BRSK2: variants seen among roughly 807,000 people sequenced by gnomAD.
The protein encoded by BRSK2 is serine/threonine-protein kinase BRSK2.
Under a neutral mutation model 83.3 loss-of-function variants are expected in BRSK2, and 19 were observed. That is an observed-to-expected ratio of 0.23 (90% CI 0.16 to 0.33). The LOEUF (loss-of-function observed/expected upper bound fraction) is 0.33, where lower values mean the gene tolerates loss of function less well. BRSK2 is among the 10% of genes least tolerant of loss of function. The pLI is 1.00. For missense variants in BRSK2, 798 were observed against 1,042.3 expected, an observed-to-expected ratio of 0.77 and a Z score of 3.23; for synonymous variants, 519 against 435.4, an observed-to-expected ratio of 1.19 and a Z score of -2.39.
intron 18 of BRSK2, among the ~76,000 whole-genome samples, chr11:1,458,687 C>T (rs552836805): frequency 1.3e-5 from 2 of 152,272 alleles, no homozygotes; most frequent in African/African-American, 4.8e-5. Context: ...CCTCCCAGGG[C>T]CTTGCTCCCA....
intron 5 of BRSK2, 100 bp from the exon 6 acceptor site, chr11:1,443,006 C>T: frequency 1.5e-6 from 2 of 1,354,738 alleles, no homozygotes; most frequent in South Asian, 2.8e-5. Flanking sequence ...GCACCACAGC[C>T]CTGGAGGCCT....
intron 8 of BRSK2, among the ~76,000 whole-genome samples, chr11:1,444,236 G>A (rs1195948350): frequency 1.3e-5 from 2 of 152,150 alleles, no homozygotes; most frequent in Non-Finnish European, 2.9e-5. Context: ...AGTGCCCCCA[G>A]CAGCTGTGGG....
intron 1 of BRSK2, among the ~76,000 whole-genome samples, chr11:1,399,177 G>GT (rs1846309347): frequency 6.6e-6 from 1 of 152,032 alleles, no homozygotes; most frequent in African/African-American, 2.4e-5. Context: ...TGTGCTGTCT[G>GT]TTGTGGGCAG....
rs1188019426 is a variant in BRSK2, at chr11:1,423,815, C to G, written c.92-12225C>G. Among the ~76,000 whole-genome samples, 1 of 151,092 alleles carries G rather than the reference C, an allele frequency of 6.6e-6. No homozygotes were observed. The highest frequency in any genetic ancestry group is 1.5e-5 in the Non-Finnish European group (1 of 67,706). On this transcript the variant is annotated intron_variant, in intron 1 of 19. Coordinates refer to ENST00000528841, the MANE Select transcript of BRSK2 (RefSeq NM_001256627.2). The surrounding 1 kb of genome is among the most constrained non-coding windows in gnomAD (Gnocchi z 6.5). Reference sequence around the variant, plus strand: ...CCCCAGGCCTCCCCCGCTGGGCGTTCCGGGTGCCCCAGGCCTCCCCCGCTG... The same window carrying G: ...CCCCAGGCCTCCCCCGCTGGGCGTTGCGGGTGCCCCAGGCCTCCCCCGCTG...
At chr11:1,442,399 A>C in intron 4 of BRSK2, 91 bp from the exon 5 acceptor site, 1 of 910,708 alleles carries the variant, frequency 1.1e-6, no homozygotes. Context: ...GCGTTTGGAG[A>C]GGCAGTGGGC....
At chr11:1,443,166 C>T in intron 6 of BRSK2, 27 bp downstream of exon 6, 1 of 1,537,148 alleles carries the variant, frequency 6.5e-7, no homozygotes, top group Non-Finnish European at 8.7e-7. Flanking sequence ...GCGTGCAGCT[C>T]TGTGGGGCCC....
At chr11:1,428,172 C>T (rs767812832) in intron 1 of BRSK2, among the ~76,000 whole-genome samples, 4 of 152,126 alleles carry the variant, frequency 2.6e-5, no homozygotes, top group African/African-American at 9.7e-5. Context: ...CAGCCTGCTG[C>T]GTCGTGGCTG....
In BRSK2 at chr11:1,445,252, CG is replaced by C. The variant is rs1851865123; in HGVS notation, c.813-40del. On this transcript the variant is annotated intron_variant, in intron 9 of 19. Transcript: ENST00000528841. ...TCCCACCCTCGCAGCCGCCCAGGCC[CG>C]GCCGGAGCTGATGAGCGGGTGGCCC... 2.6e-6 allele frequency: 4 copies of C among 1,567,926 alleles called. No individual in the cohort carries two copies. The South Asian group carries it at 4.7e-5, about 18-fold the overall frequency.
chr11:1,444,570 C>G (rs561143419), intron 8 of BRSK2, among the ~76,000 whole-genome samples: 7 of 152,140 alleles, frequency 4.6e-5, no homozygotes, highest in Non-Finnish European at 1.0e-4. Flanking sequence ...GCTCTCCTGC[C>G]TTGGTTCCTT....
rs535120076 is a variant in BRSK2 at position 1,400,778 on chromosome 11, C to T, written c.91+10403C>T. Among the ~76,000 whole-genome samples, 244 of 152,334 alleles carry T rather than the reference C, an allele frequency of 1.6e-3. 1 individual carries two copies. The highest frequency in any genetic ancestry group is 2.6e-3 in the Non-Finnish European group (174 of 68,026). ...CTGCCTGGGCCCTGCGGCCACCCAC[C>T]CCGGACACTGTGGCACTGGGAGGGG... On this transcript the variant is annotated intron_variant, in intron 1 of 19. Transcript: ENST00000528841.
At chr11:1,437,425 C>T (rs1850471177) in intron 2 of BRSK2, among the ~76,000 whole-genome samples, 1 of 152,212 alleles carries the variant, frequency 6.6e-6, no homozygotes, top group Admixed American at 6.5e-5. Flanking sequence ...CTTCTTTGTG[C>T]TGGGCGGAGC....
Position 1,410,922 on chromosome 11 carries a change from T to C in BRSK2, c.91+20547T>C, listed in dbSNP as rs915985516. 1.5e-5 allele frequency: 15 copies of C among 988,674 alleles called. No individual in the cohort carries two copies. The African/African-American group carries it at 2.6e-4, about 17-fold the overall frequency. 61.2% of individuals were successfully genotyped at this position (988,674 alleles called of 1,614,324 possible). A position where few individuals can be genotyped will look rare whatever the true frequency, so the allele number is the denominator to read the frequency against. Reference sequence around the variant, plus strand: ...TGTGCAGAAGGTGGGTGTTCCCCAGTCTCAGAGGCCAGGGCCCTTGCTGGC... The same window carrying C: ...TGTGCAGAAGGTGGGTGTTCCCCAGCCTCAGAGGCCAGGGCCCTTGCTGGC... On this transcript the variant is annotated intron_variant, in intron 1 of 19. Transcript: ENST00000528841.
At chr11:1,420,109 GC>G (rs906556116) in intron 1 of BRSK2, among the ~76,000 whole-genome samples, 1 of 152,240 alleles carries the variant, frequency 6.6e-6, no homozygotes, top group African/African-American at 2.4e-5. Flanking sequence ...GGAAGGCAGG[GC>G]CTCTGCCCGG....
At chr11:1,420,737 C>T (rs1848562233) in intron 1 of BRSK2, among the ~76,000 whole-genome samples, 1 of 152,246 alleles carries the variant, frequency 6.6e-6, no homozygotes, top group Non-Finnish European at 1.5e-5. Flanking sequence ...CCCTGGCTGT[C>T]ACCCTCTTTG....
At chr11:1,392,693 C>T (rs991300387) in intron 1 of BRSK2, among the ~76,000 whole-genome samples, 1 of 152,134 alleles carries the variant, frequency 6.6e-6, no homozygotes, top group African/African-American at 2.4e-5. Flanking sequence ...AGCACCCCCA[C>T]CGGGGCCTGG....
At position 1,460,648 on chromosome 11, in the gene BRSK2, AG is replaced by A; in HGVS notation, c.2140del (p.Asp714ThrfsTer143). ...DSAAAGPGPG[G>X]DAEYPTGKDT... is the part of the protein sequence containing the mutation. The stretch of plus-strand genomic sequence containing the variant: ...CCGCGGCCGCTGGCCCTGGCCCCGG[AG>A]GGGACGCCGAGTACCCAACGGGCAA... On this transcript the variant is annotated frameshift_variant, in exon 20 of 20. Transcript: ENST00000528841. LOFTEE classifies it high-confidence loss of function. 1 of 1,527,234 alleles carries A rather than the reference AG, an allele frequency of 6.5e-7. No individual in the cohort carries two copies. Among genetic ancestry groups the A allele is most frequent in the Non-Finnish European group, 8.8e-7 (1 of 1,142,332 alleles). 94.6% of individuals were successfully genotyped at this position (1,527,234 alleles called of 1,614,324 possible).
intron 8 of BRSK2, among the ~76,000 whole-genome samples, chr11:1,444,209 C>T (rs978247521): frequency 2.8e-4 from 42 of 152,206 alleles, no homozygotes; most frequent in African/African-American, 9.4e-4. Flanking sequence ...CTCCAGGCAG[C>T]GTGAATAGTT....
At chr11:1,426,060 C>A (rs1849175587) in intron 1 of BRSK2, among the ~76,000 whole-genome samples, 1 of 152,206 alleles carries the variant, frequency 6.6e-6, no homozygotes, top group African/African-American at 2.4e-5. Context: ...TGGGCTGGCC[C>A]CTGGCTCCTA....
At chr11:1,445,237 G>A (rs935167149) in intron 9 of BRSK2, 57 bp from the exon 10 acceptor site, 118 of 1,546,346 alleles carry the variant, frequency 7.6e-5, no homozygotes, top group Non-Finnish European at 9.3e-5. Flanking sequence ...TCCCACCCTC[G>A]CAGCCGCCCA....
Sources: allele counts gnomAD v4.1 joint callset (sites outside exome capture counted in the v4.1 genomes callset), GRCh38; gene constraint gnomAD v4.1.1; non-coding constraint Gnocchi (gnomAD v3.1); transcripts MANE v1.5; gene names NCBI Gene and HGNC (gene_info 2026-07-23, HGNC 2026-07-21).